Variants in ASAP2 observed in about 807,000 individuals in gnomAD.
ASAP2 encodes the protein ArfGAP with SH3 domain, ankyrin repeat and PH domain 2.
ASAP2 carries 45 observed loss-of-function variants against 131.4 expected under a neutral mutation model. The observed-to-expected ratio is 0.34, with a 90% CI of 0.27 to 0.44. The LOEUF is 0.44. Among genes scored for constraint, ASAP2 ranks in the 20% least tolerant of loss-of-function variants. The probability of loss-of-function intolerance (pLI) is 1.00; values close to 1 mark genes in which losing one functional copy is unlikely to be tolerated. For synonymous variants in ASAP2, 510 were observed against 503.0 expected (o/e 1.01, Z -0.19); for missense variants, 1,011 against 1,297.0 (o/e 0.78, Z 3.39).
At chr2:9,317,664 ACT>A (rs1669863077) in intron 3 of ASAP2, among the ~76,000 whole-genome samples, 1 of 147,176 alleles carries the variant, frequency 6.8e-6, no homozygotes, top group African/African-American at 2.5e-5. Context: ...TTACACAATC[ACT>A]CACATCCATA....
intron 6 of ASAP2, among the ~76,000 whole-genome samples, chr2:9,326,821 T>TGA (rs1670510316): frequency 2.0e-5 from 3 of 152,260 alleles, no homozygotes; most frequent in Admixed American, 2.0e-4. Context: ...TTTGGACTGT[T>TGA]GCCATTGTTT....
intron 1 of ASAP2, among the ~76,000 whole-genome samples, chr2:9,246,099 T>C (rs1228731028): frequency 6.6e-6 from 1 of 152,146 alleles, no homozygotes; most frequent in East Asian, 1.9e-4. Flanking sequence ...AGTGTTGGCT[T>C]TATCCCTGAT....
chr2:9,404,345 C>CT lies in ASAP2; in HGVS notation c.*1018_*1019insT, dbSNP rs1677009274. On this transcript the variant is annotated 3_prime_UTR_variant, in exon 28 of 28. Transcript: ENST00000281419. ...TTGAATCTGTCCATCTGTTTATAAT[C>CT]AAGAACATATCAGAAATATATAGGT... 1 of 152,168 alleles carries CT rather than the reference C, an allele frequency of 6.6e-6. No homozygotes were observed. Among genetic ancestry groups the CT allele is most frequent in the African/African-American group, 2.4e-5 (1 of 41,426 alleles). 9.4% of individuals were successfully genotyped at this position (152,168 alleles called of 1,614,324 possible). A position where few individuals can be genotyped will look rare whatever the true frequency, so the allele number is the denominator to read the frequency against.
intron 1 of ASAP2, among the ~76,000 whole-genome samples, chr2:9,273,930 G>A (rs1666579331): frequency 6.6e-6 from 1 of 152,208 alleles, no homozygotes; most frequent in Admixed American, 6.5e-5. Context: ...AGGAAGAGGG[G>A]TTTATTTTGG....
chr2:9,367,156 G>C (rs1367725035), intron 15 of ASAP2, among the ~76,000 whole-genome samples: 1 of 150,802 alleles, frequency 6.6e-6, no homozygotes, highest in Non-Finnish European at 1.5e-5. Flanking sequence ...TCAGCCTCCT[G>C]AGTAGCTGGG....
At chr2:9,291,758 T>G (rs1244480508) in intron 2 of ASAP2, among the ~76,000 whole-genome samples, 1 of 151,790 alleles carries the variant, frequency 6.6e-6, no homozygotes, top group Non-Finnish European at 1.5e-5. Flanking sequence ...GTTTGGAGGG[T>G]CTTTGTTGGG....
Position 9,403,429 on chromosome 2 carries a change from C to G in ASAP2, c.*102C>G. 1 of 1,101,874 alleles carries G rather than the reference C, an allele frequency of 9.1e-7. No homozygotes were observed. Among genetic ancestry groups the G allele is most frequent in the South Asian group, 1.4e-5 (1 of 70,110 alleles). 68.3% of individuals were successfully genotyped at this position (1,101,874 alleles called of 1,614,324 possible). On this transcript the variant is annotated 3_prime_UTR_variant, in exon 28 of 28. Transcript: ENST00000281419. ...TTTCATGAACTGTTTGTATGGCAGC[C>G]CATGTTCTCTAATGCCACTGCTCTG...
At chr2:9,367,004 T>C (rs2709571) in intron 15 of ASAP2, among the ~76,000 whole-genome samples, 13,019 of 151,056 alleles carry the variant, frequency 0.086, 1,578 homozygotes, top group African/African-American at 0.27. Context: ...CAAAGCATGT[T>C]TGTTAACTCC....
At chr2:9,398,837 C>G (rs1169589670) in intron 24 of ASAP2, 1 of 151,964 alleles carries the variant, frequency 6.6e-6, no homozygotes, top group Non-Finnish European at 1.5e-5. Flanking sequence ...TTCACAAAGC[C>G]TAAAAAGTTT....
intron 7 of ASAP2, among the ~76,000 whole-genome samples, chr2:9,334,181 CTTTTTGTA>C (rs1440247612): frequency 7.1e-6 from 1 of 141,778 alleles, no homozygotes; most frequent in Non-Finnish European, 1.5e-5. Flanking sequence ...CGAGTAGTAG[CTTTTTGTA>C]TTTTTGTATT....
chr2:9,275,009 T>C (rs1409416393), intron 1 of ASAP2, among the ~76,000 whole-genome samples: 1 of 152,178 alleles, frequency 6.6e-6, no homozygotes, highest in Admixed American at 6.5e-5. Context: ...TTAAGGTATG[T>C]TGTCTGTGAG....
At chr2:9,211,107 A>G (rs977246084) in intron 1 of ASAP2, among the ~76,000 whole-genome samples, 1 of 151,784 alleles carries the variant, frequency 6.6e-6, no homozygotes. Context: ...GTGAGTCGAG[A>G]TCGTGCCATT....
intron 1 of ASAP2, among the ~76,000 whole-genome samples, chr2:9,220,547 A>G (rs557850346): frequency 2.6e-5 from 4 of 152,296 alleles, no homozygotes; most frequent in African/African-American, 9.6e-5. Context: ...ATCCTTTGCC[A>G]TGTTTATATT....
chr2:9,271,216 A>G, intron 1 of ASAP2: 1 of 634,454 alleles, frequency 1.6e-6, no homozygotes, highest in Non-Finnish European at 2.9e-6. Flanking sequence ...AACTTGTGAC[A>G]AGGGACAGAA....
intron 3 of ASAP2, among the ~76,000 whole-genome samples, chr2:9,308,803 TG>T (rs1669112832): frequency 6.6e-6 from 1 of 152,112 alleles, no homozygotes; most frequent in Admixed American, 6.5e-5. Flanking sequence ...ACCTGCAAAA[TG>T]GGGGTCACGG....
intron 1 of ASAP2, among the ~76,000 whole-genome samples, chr2:9,235,262 G>C (rs189094168): frequency 1.3e-5 from 2 of 152,152 alleles, no homozygotes; most frequent in Non-Finnish European, 2.9e-5. Context: ...ATGGCTGGTC[G>C]TCCTGTGCAC....
intron 15 of ASAP2, among the ~76,000 whole-genome samples, chr2:9,367,239 C>T (rs1254106802): frequency 6.6e-6 from 1 of 151,132 alleles, no homozygotes; most frequent in East Asian, 2.0e-4. Context: ...CACCTTGTTG[C>T]CCAGGCTAGT....
rs1229921566 is a variant in ASAP2 at position 9,368,439 on chromosome 2, T to C, written c.1476T>C (p.Ile492=). 3.7e-6 allele frequency: 6 copies of C among 1,614,008 alleles called. No homozygotes were observed. Among genetic ancestry groups the C allele is most frequent in the Non-Finnish European group, 5.1e-6 (6 of 1,180,028 alleles). Residue 492 remains isoleucine, a synonymous_variant, in exon 16 of 28, where the codon ATT becomes ATC. Transcript: ENST00000281419. ...GTSELLLAKN[I]GNAGFNEIME... ...CATTTTTGCAGCTCGCCAAGAATATTGGGAATGCAGGCTTTAATGAGATCA... is the reference window on the plus strand; with the variant it reads ...CATTTTTGCAGCTCGCCAAGAATATCGGGAATGCAGGCTTTAATGAGATCA...
chr2:9,307,031 A>G (rs72775213), intron 3 of ASAP2, among the ~76,000 whole-genome samples: 11,695 of 152,294 alleles, frequency 0.077, 614 homozygotes, highest in Non-Finnish European at 0.11. Context: ...GCCCTGGAGC[A>G]GAGGTCCTCC....
Sources: gnomAD v4.1 joint callset for allele counts (sites outside exome capture counted in the v4.1 genomes callset) on GRCh38, gnomAD v4.1.1 for gene constraint, MANE v1.5 for transcripts, NCBI Gene and HGNC (gene_info 2026-07-23, HGNC 2026-07-21) for gene names.